Variants in KSR1 observed in about 807,000 individuals in gnomAD.
The protein encoded by KSR1 is kinase suppressor of ras.
In KSR1, 35 loss-of-function variants were observed where a neutral mutation model predicts 92.9. That is an observed-to-expected ratio of 0.38 (90% confidence interval 0.29 to 0.50). The LOEUF is 0.50. Ranked by LOEUF, KSR1 falls within the 20% of genes least tolerant of loss-of-function variation. The pLI, the probability that KSR1 is intolerant of heterozygous loss-of-function variation, is 0.94. For synonymous variants in KSR1, 467 were observed against 472.6 expected (o/e 0.99, Z 0.15); for missense variants, 972 against 1,158.5 (o/e 0.84, Z 2.34).
At chr17:27,609,908 G>A (rs1339863717) in intron 16 of KSR1, 159 bp from the exon 17 acceptor site, 22 of 805,188 alleles carry the variant, frequency 2.7e-5, no homozygotes, top group East Asian at 8.2e-5. Context: ...CAAAAGCACC[G>A]GTGCCTTTCC....
chr17:27,472,392 T>C (rs1292510113), intron 1 of KSR1, among the ~76,000 whole-genome samples: 1 of 152,228 alleles, frequency 6.6e-6, no homozygotes, highest in East Asian at 1.9e-4. Context: ...ACCATTTCGT[T>C]TGGAGGAGGC....
chr17:27,561,921 C>G (rs1396301888), intron 2 of KSR1, among the ~76,000 whole-genome samples: 2 of 152,204 alleles, frequency 1.3e-5, no homozygotes, highest in Non-Finnish European at 2.9e-5. Context: ...TCTTGGCTCA[C>G]TGCAACCTCC....
intron 1 of KSR1, among the ~76,000 whole-genome samples, chr17:27,544,502 C>T (rs1477170328): frequency 6.6e-6 from 1 of 152,218 alleles, no homozygotes; most frequent in Non-Finnish European, 1.5e-5. Flanking sequence ...TCGGTAGCAC[C>T]CACCAACTGT....
intron 1 of KSR1, among the ~76,000 whole-genome samples, chr17:27,499,120 G>A (rs895083289): frequency 6.6e-6 from 1 of 152,310 alleles, no homozygotes; most frequent in Non-Finnish European, 1.5e-5. Flanking sequence ...GATTTGTTCA[G>A]AGCAAGAGGA....
chr17:27,611,462 A>G (rs551927943), intron 17 of KSR1, 32 bp from the exon 18 acceptor site: 1 of 1,613,514 alleles, frequency 6.2e-7, no homozygotes, highest in Admixed American at 1.7e-5. Flanking sequence ...ACAGCGGCCC[A>G]GGAGCTCACA....
At position 27,528,267 on chromosome 17, in the gene KSR1, A is replaced by G. The variant is rs574760873; in HGVS notation, c.232-22301A>G. Among the ~76,000 whole-genome samples the G allele has an allele frequency of 4.1e-3, 626 of 152,152 alleles. 9 individuals are homozygous for G. The highest frequency in any genetic ancestry group is 0.014 in the African/African-American group (600 of 41,498). The stretch of plus-strand genomic sequence containing the variant: ...TTTTTAGTAGAGAGAGGGTGTCACC[A>G]TGTTGGCCAGGCTGGTCTCAAACTC... On this transcript the variant is annotated intron_variant, in intron 1 of 20. Transcript: ENST00000644974.
chr17:27,595,756 C>G (rs776577444), intron 9 of KSR1, among the ~76,000 whole-genome samples: 10 of 151,702 alleles, frequency 6.6e-5, no homozygotes, highest in African/African-American at 2.4e-4. Context: ...CCAGGCCTGT[C>G]TGGTGGTGCT....
At chr17:27,572,940 T>A (rs947147892) in intron 2 of KSR1, among the ~76,000 whole-genome samples, 12 of 152,246 alleles carry the variant, frequency 7.9e-5, no homozygotes, top group African/African-American at 2.9e-4. Flanking sequence ...TAACATTGGG[T>A]CTCAGAGTCA....
chr17:27,527,476 C>T (rs2070358815), intron 1 of KSR1, among the ~76,000 whole-genome samples: 1 of 120,860 alleles, frequency 8.3e-6, no homozygotes, highest in Non-Finnish European at 1.7e-5. Flanking sequence ...GATCTTGGCT[C>T]ACTGCAACCT....
intron 11 of KSR1, chr17:27,601,958 A>G (rs2073579217): frequency 6.3e-7 from 1 of 1,599,646 alleles, no homozygotes. Context: ...AAACGCTTTC[A>G]GTAAGTCAAT....
intron 2 of KSR1, among the ~76,000 whole-genome samples, chr17:27,563,996 T>A (rs1370764992): frequency 7.2e-6 from 1 of 139,484 alleles, no homozygotes; most frequent in Non-Finnish European, 1.6e-5. Context: ...TTTTTTTTTT[T>A]TTTTTTTTTT....
chr17:27,599,886 A>G (rs2073486408), intron 10 of KSR1, among the ~76,000 whole-genome samples: 1 of 151,664 alleles, frequency 6.6e-6, no homozygotes, highest in African/African-American at 2.4e-5. Flanking sequence ...TACTTTTTAA[A>G]CTTTTTTGTT....
At chr17:27,576,938 A>G (rs1461550538) in intron 2 of KSR1, among the ~76,000 whole-genome samples, 3 of 152,190 alleles carry the variant, frequency 2.0e-5, no homozygotes, top group Non-Finnish European at 2.9e-5. Flanking sequence ...TGCAGGTGAC[A>G]TAATCTCTCT....
intron 1 of KSR1, among the ~76,000 whole-genome samples, chr17:27,517,382 G>C (rs1056800672): frequency 5.9e-5 from 9 of 151,940 alleles, no homozygotes; most frequent in Non-Finnish European, 1.2e-4. Flanking sequence ...GCCCAGGCTG[G>C]AGTGCAGTGG....
Position 27,460,538 on chromosome 17 carries a change from T to A in KSR1, c.231+3664T>A, listed in dbSNP as rs562431172. On this transcript the variant is annotated intron_variant, in intron 1 of 20. Coordinates refer to ENST00000644974, the MANE Select transcript of KSR1 (RefSeq NM_001394583.1). ...AACTGTGGTAGGTGCAGAGTCAGGC[T>A]GTGCTGGGAGGCGATGTTGGGAACT... Among the ~76,000 whole-genome samples the A allele has an allele frequency of 2.0e-5, 3 of 152,318 alleles. No individual in the cohort carries two copies. In the South Asian group the frequency reaches 6.2e-4, roughly 32 times the overall value.
At chr17:27,489,462 C>T (rs1432301974) in intron 1 of KSR1, among the ~76,000 whole-genome samples, 1 of 152,324 alleles carries the variant, frequency 6.6e-6, no homozygotes, top group East Asian at 1.9e-4. Context: ...TTTTTCTTTG[C>T]TTGCTCCATC....
intron 3 of KSR1, chr17:27,578,522 T>C (rs1290494442): frequency 6.6e-6 from 1 of 152,220 alleles, no homozygotes; most frequent in Non-Finnish European, 1.5e-5. Flanking sequence ...CTGGTGTTCT[T>C]GTTCTCACAT....
Position 27,456,612 on chromosome 17 carries a change from A to C in KSR1, c.-32A>C. On this transcript the variant is annotated 5_prime_UTR_variant, in exon 1 of 21. Coordinates refer to ENST00000644974, the MANE Select transcript of KSR1 (RefSeq NM_001394583.1). Reference sequence around the variant, plus strand: ...CGAGGCGCCCGCGCCCCGGGCTCCCAGCCTCGGCCGCCGCGGCCCCGATGC... The same window carrying C: ...CGAGGCGCCCGCGCCCCGGGCTCCCCGCCTCGGCCGCCGCGGCCCCGATGC... The C allele has an allele frequency of 2.1e-6, 1 of 472,476 alleles. No individual in the cohort carries two copies. The highest frequency in any genetic ancestry group is 5.4e-4 in the Middle Eastern group (1 of 1,862). 29.3% of individuals were successfully genotyped at this position (472,476 alleles called of 1,614,324 possible).
chr17:27,621,726 A>C (rs1447946063), intron 20 of KSR1, among the ~76,000 whole-genome samples: 1 of 152,026 alleles, frequency 6.6e-6, no homozygotes, highest in African/African-American at 2.4e-5. Context: ...GAGCTTAGAG[A>C]GGGTTCTTTG....
Sources: allele counts gnomAD v4.1 joint callset (sites outside exome capture counted in the v4.1 genomes callset), GRCh38; gene constraint gnomAD v4.1.1; transcripts MANE v1.5; gene names NCBI Gene and HGNC (gene_info 2026-07-23, HGNC 2026-07-21).